CBLN2: variants seen among roughly 807,000 people sequenced by gnomAD.
CBLN2 encodes cerebellin 2 precursor, also known as cerebellin-2.
Under a neutral mutation model 15.0 loss-of-function variants are expected in CBLN2, and 7 were observed. That is an observed-to-expected ratio of 0.47 (90% CI 0.27 to 0.88). CBLN2 has a LOEUF of 0.88. CBLN2 is among the 40% of genes least tolerant of loss of function. The pLI, the probability that CBLN2 is intolerant of heterozygous loss-of-function variation, is 0.14. For synonymous variants in CBLN2, 149 were observed against 135.2 expected, an observed-to-expected ratio of 1.10 and a Z score of -0.71; for missense variants, 242 against 304.5, an observed-to-expected ratio of 0.79 and a Z score of 1.53.
upstream of CBLN2, among the ~76,000 whole-genome samples, chr18:72,547,355 G>A (rs1265893349): frequency 6.6e-6 from 1 of 152,180 alleles, no homozygotes; most frequent in Non-Finnish European, 1.5e-5. Context: ...AGAAGGGCAG[G>A]AGGGTAGGAG....
upstream of CBLN2, chr18:72,544,756 A>G (rs1476313924): frequency 1.3e-5 from 2 of 152,062 alleles, no homozygotes; most frequent in African/African-American, 4.8e-5. Flanking sequence ...TCACTGATCT[A>G]ACAAACAACT....
intron 1 of CBLN2, among the ~76,000 whole-genome samples, chr18:72,582,863 A>T (rs963167311): frequency 6.6e-6 from 1 of 152,214 alleles, no homozygotes; most frequent in Non-Finnish European, 1.5e-5. Flanking sequence ...ACTTGGAATT[A>T]CAATGCTTAA....
chr18:72,572,697 G>A (rs964383002), intron 1 of CBLN2, among the ~76,000 whole-genome samples: 3 of 152,162 alleles, frequency 2.0e-5, no homozygotes, highest in Admixed American at 6.5e-5. Flanking sequence ...GGGATTACAA[G>A]TGCATGTCAT....
chr18:72,576,488 G>T (rs1341104804), intron 1 of CBLN2, among the ~76,000 whole-genome samples: 1 of 152,016 alleles, frequency 6.6e-6, no homozygotes, highest in Non-Finnish European at 1.5e-5. Flanking sequence ...TTTAATCAAA[G>T]GTTATACAAA....
At chr18:72,617,417 AAC>A (rs2069669510) in intron 1 of CBLN2, among the ~76,000 whole-genome samples, 1 of 152,186 alleles carries the variant, frequency 6.6e-6, no homozygotes, top group Admixed American at 6.5e-5. Context: ...TATTCTGACA[AAC>A]TTTATTTAAT....
At chr18:72,580,090 T>C (rs1245990145) in intron 1 of CBLN2, among the ~76,000 whole-genome samples, 1 of 118,152 alleles carries the variant, frequency 8.5e-6, no homozygotes, top group East Asian at 2.1e-4. Context: ...TTCCAAATTA[T>C]AGCATAATAT....
At chr18:72,577,483 T>C (rs769143074) in intron 1 of CBLN2, among the ~76,000 whole-genome samples, 42 of 152,228 alleles carry the variant, frequency 2.8e-4, no homozygotes, top group Non-Finnish European at 4.8e-4. Flanking sequence ...CTGACCCCTG[T>C]TCTCCACAGC....
chr18:72,634,135 A>G lies in CBLN2; in HGVS notation c.15+4190T>C, dbSNP rs146889347. Among the ~76,000 whole-genome samples, 25 of 152,208 alleles carry G rather than the reference A, an allele frequency of 1.6e-4. 1 individual carries two copies. The East Asian group carries it at 4.6e-3, about 28-fold the overall frequency. On this transcript the variant is annotated intron_variant, in intron 1 of 2. Coordinates refer to the CBLN2 transcript ENST00000581073. ...GAAATGTTTCTATGGCATGCACAAT[A>G]AAGGTTTAGACATAAACAAAATGTA... is the stretch of plus-strand genomic sequence containing the variant.
chr18:72,593,620 T>C (rs2069494501), intron 1 of CBLN2, among the ~76,000 whole-genome samples: 1 of 152,150 alleles, frequency 6.6e-6, no homozygotes, highest in South Asian at 2.1e-4. Context: ...TTTTTTGCCT[T>C]TGAGTATGAT....
At chr18:72,541,070 T>C (rs1203590349) in intron 3 of CBLN2, among the ~76,000 whole-genome samples, 1 of 152,234 alleles carries the variant, frequency 6.6e-6, no homozygotes, top group East Asian at 1.9e-4. Flanking sequence ...TGATCATATC[T>C]CTGAACCTTC....
At chr18:72,573,893 T>A (rs957286988) in intron 1 of CBLN2, among the ~76,000 whole-genome samples, 3 of 152,214 alleles carry the variant, frequency 2.0e-5, no homozygotes, top group Non-Finnish European at 4.4e-5. Context: ...CCATTTTTCA[T>A]TCCAATCAGC....
chr18:72,576,515 G>A (rs2069367743), intron 1 of CBLN2, among the ~76,000 whole-genome samples: 1 of 152,094 alleles, frequency 6.6e-6, no homozygotes, highest in South Asian at 2.1e-4. Flanking sequence ...TGAAAAGGTA[G>A]TGATTTTAAA....
chr18:72,577,341 G>A (rs2069374868), intron 1 of CBLN2, among the ~76,000 whole-genome samples: 2 of 152,084 alleles, frequency 1.3e-5, no homozygotes, highest in South Asian at 4.2e-4. Context: ...AAAACGAATA[G>A]ATGAGGAGAA....
chr18:72,546,253 C>T (rs377524189), upstream of CBLN2, among the ~76,000 whole-genome samples: 4 of 152,100 alleles, frequency 2.6e-5, no homozygotes, highest in South Asian at 8.3e-4. Flanking sequence ...CTGGCTAACA[C>T]GGTGAAACCT....
At chr18:72,546,460 T>A (rs1293373490), upstream of CBLN2, among the ~76,000 whole-genome samples, 1 of 152,040 alleles carries the variant, frequency 6.6e-6, no homozygotes, top group Non-Finnish European at 1.5e-5. Context: ...AAAAAAGATA[T>A]TTAAGTCAAG....
intron 1 of CBLN2, among the ~76,000 whole-genome samples, chr18:72,566,952 T>C (rs891403977): frequency 6.6e-6 from 1 of 151,992 alleles, no homozygotes; most frequent in Non-Finnish European, 1.5e-5. Context: ...GCTACCTGAG[T>C]AACTGGGATT....
At chr18:72,538,868 T>C in intron 3 of CBLN2, 96 bp from the exon 4 acceptor site, 1 of 1,496,440 alleles carries the variant, frequency 6.7e-7, no homozygotes, top group African/African-American at 1.4e-5. Context: ...GCCTCCTTCA[T>C]CAGCGGCTGG....
At chr18:72,578,513 T>A (rs1249075037) in intron 1 of CBLN2, among the ~76,000 whole-genome samples, 2 of 152,328 alleles carry the variant, frequency 1.3e-5, no homozygotes, top group East Asian at 3.9e-4. Context: ...GTGAAGATCA[T>A]CATTTCTATT....
At chr18:72,553,044 C>T (rs574536092) in intron 1 of CBLN2, among the ~76,000 whole-genome samples, 12 of 152,284 alleles carry the variant, frequency 7.9e-5, no homozygotes, top group African/African-American at 2.4e-4. Context: ...ATTATTTTCT[C>T]ATATATGTGC....
Sources: allele counts gnomAD v4.1 joint callset (sites outside exome capture counted in the v4.1 genomes callset), GRCh38; gene constraint gnomAD v4.1.1; transcripts MANE v1.5; gene names NCBI Gene and HGNC (gene_info 2026-07-23, HGNC 2026-07-21).